Variants in CLVS1 observed in about 807,000 individuals in gnomAD.
The protein encoded by CLVS1 is clavesin-1.
In CLVS1, 10 loss-of-function variants were observed where a neutral mutation model predicts 33.1. The ratio of observed to expected loss-of-function variants is 0.30; its 90% CI spans 0.19 to 0.51. The LOEUF is 0.51. CLVS1 is among the 20% of genes least tolerant of loss of function. The pLI, the probability that CLVS1 is intolerant of heterozygous loss-of-function variation, is 0.97. For missense variants in CLVS1, 343 were observed against 433.4 expected, an observed-to-expected ratio of 0.79 and a Z score of 1.85; for synonymous variants, 163 against 166.1, an observed-to-expected ratio of 0.98 and a Z score of 0.14.
chr8:60,971,694 G>T, the CLVS1 span, among the ~76,000 whole-genome samples: 3 of 152,122 alleles, frequency 2.0e-5, no homozygotes, highest in Non-Finnish European at 4.4e-5. Flanking sequence ...TGAGTGAGTT[G>T]CTTTAGGTCT....
the CLVS1 span, among the ~76,000 whole-genome samples, chr8:61,046,100 T>C: frequency 6.7e-6 from 1 of 149,906 alleles, no homozygotes; most frequent in African/African-American, 2.5e-5. Flanking sequence ...TAGGTTTTCT[T>C]CTAGGGTTTT....
chr8:61,249,251 C>T (rs1230988757), intron 2 of CLVS1, among the ~76,000 whole-genome samples: 1 of 152,128 alleles, frequency 6.6e-6, no homozygotes, highest in Non-Finnish European at 1.5e-5. Flanking sequence ...GACATGAACC[C>T]ATCCTTTATT....
chr8:61,454,017 A>T, intron 3 of CLVS1, 124 bp from the exon 4 acceptor site: 1 of 724,746 alleles, frequency 1.4e-6, no homozygotes, highest in East Asian at 2.4e-5. Flanking sequence ...TCCTCTCCTC[A>T]TCCTGAAGCT....
Position 61,331,823 on chromosome 8 carries a change from T to C in CLVS1, c.455+31541T>C, listed in dbSNP as rs199861546. ...TCTTCTTCTCCTCCTCCTCCTCCTCTTCCTCCTCCTCCTCCTCCTCCTCCT... is the reference window on the plus strand; with the variant it reads ...TCTTCTTCTCCTCCTCCTCCTCCTCCTCCTCCTCCTCCTCCTCCTCCTCCT... On this transcript the variant is annotated intron_variant, in intron 2 of 5. Transcript: ENST00000325897. Among the ~76,000 whole-genome samples the C allele has an allele frequency of 2.0e-3, 291 of 142,010 alleles. 1 individual carries two copies. Among genetic ancestry groups the C allele is most frequent in the Middle Eastern group, 7.1e-3 (2 of 280 alleles). The allele number at this position is 142,010 out of a possible 152,430, so 93.2% of individuals were successfully genotyped here.
chr8:61,370,111 C>T (rs1813371083), intron 2 of CLVS1, among the ~76,000 whole-genome samples: 1 of 152,018 alleles, frequency 6.6e-6, no homozygotes, highest in African/African-American at 2.4e-5. Flanking sequence ...TTGTGGTGGA[C>T]CTTAAGAAAT....
chr8:61,312,179 A>G, intron 2 of CLVS1, among the ~76,000 whole-genome samples: 1 of 152,140 alleles, frequency 6.6e-6, no homozygotes, highest in East Asian at 1.9e-4. Flanking sequence ...CACAAGCCCA[A>G]ACTCCAACCC....
At chr8:61,246,390 G>A (rs1218035732) in intron 2 of CLVS1, among the ~76,000 whole-genome samples, 1 of 150,742 alleles carries the variant, frequency 6.6e-6, no homozygotes, top group African/African-American at 2.4e-5. Context: ...GGCTGGTCTC[G>A]AACTCCTGAC....
chr8:61,377,554 AC>A (rs1813697430), intron 3 of CLVS1: 1 of 152,188 alleles, frequency 6.6e-6, no homozygotes, highest in African/African-American at 2.4e-5. Context: ...CTCCCCATAG[AC>A]GGCAGTTATA....
the CLVS1 span, among the ~76,000 whole-genome samples, chr8:61,008,260 T>C: frequency 6.6e-6 from 1 of 151,874 alleles, no homozygotes; most frequent in South Asian, 2.1e-4. Flanking sequence ...GGCACCCAAA[T>C]TGGTCACCAC....
intron 3 of CLVS1, among the ~76,000 whole-genome samples, chr8:61,424,908 A>G (rs1354203886): frequency 6.6e-6 from 1 of 152,194 alleles, no homozygotes; most frequent in East Asian, 1.9e-4. Context: ...CCTTGCTATG[A>G]GTTATTTATC....
At chr8:61,023,349 T>G in the CLVS1 span, among the ~76,000 whole-genome samples, 1 of 152,368 alleles carries the variant, frequency 6.6e-6, no homozygotes, top group South Asian at 2.1e-4. Flanking sequence ...GTCCTCAATT[T>G]GTTTACACAG....
At chr8:61,017,482 T>C in the CLVS1 span, among the ~76,000 whole-genome samples, 1 of 152,258 alleles carries the variant, frequency 6.6e-6, no homozygotes, top group Non-Finnish European at 1.5e-5. Flanking sequence ...GTCATTTGCA[T>C]CCTTTCTGAA....
the CLVS1 span, among the ~76,000 whole-genome samples, chr8:61,045,672 T>TTCATCATTTCTGTCA: frequency 2.0e-5 from 3 of 152,346 alleles, no homozygotes; most frequent in East Asian, 5.8e-4. Context: ...AGTGGCTTTG[T>TTCATCATTTCTGTCA]TCATCATTTC....
At chr8:61,120,943 T>C (rs571651197) in intron 1 of CLVS1, among the ~76,000 whole-genome samples, 13 of 149,254 alleles carry the variant, frequency 8.7e-5, no homozygotes, top group South Asian at 4.3e-4. Context: ...TAAGCAAGCC[T>C]GGGCAATGGC....
intron 2 of CLVS1, among the ~76,000 whole-genome samples, chr8:61,223,855 G>C (rs1243727443): frequency 6.6e-6 from 1 of 152,050 alleles, no homozygotes; most frequent in Non-Finnish European, 1.5e-5. Flanking sequence ...TTTCTTGGAG[G>C]CTTTGCTCAT....
intron 5 of CLVS1, among the ~76,000 whole-genome samples, chr8:61,479,060 T>A (rs985999596): frequency 2.0e-5 from 3 of 152,226 alleles, no homozygotes; most frequent in Non-Finnish European, 4.4e-5. Context: ...TTATGTGTCT[T>A]TGAGTTGCTC....
At position 61,322,790 on chromosome 8, in the gene CLVS1, T is replaced by A. The variant is rs569212027; in HGVS notation, c.455+22508T>A. Among the ~76,000 whole-genome samples, 420 of 152,266 alleles carry A rather than the reference T, an allele frequency of 2.8e-3. 1 individual carries two copies. Among genetic ancestry groups the A allele is most frequent in the African/African-American group, 9.5e-3 (396 of 41,554 alleles). ...ATTAATCAATTAATTAATAAATTAC[T>A]GCAAGAAAACTGAAGATTTCTGCTC... On this transcript the variant is annotated intron_variant, in intron 2 of 5. Transcript: ENST00000325897.
At chr8:61,263,869 A>C (rs1809254648) in intron 2 of CLVS1, among the ~76,000 whole-genome samples, 1 of 152,202 alleles carries the variant, frequency 6.6e-6, no homozygotes, top group Non-Finnish European at 1.5e-5. Flanking sequence ...GTAGATATGA[A>C]AGCATTTAGT....
At chr8:61,261,994 G>GTGTGTGTGTGTGTA (rs1809214396) in intron 2 of CLVS1, among the ~76,000 whole-genome samples, 1 of 134,346 alleles carries the variant, frequency 7.4e-6, no homozygotes, top group African/African-American at 2.8e-5. Flanking sequence ...GTGTGTGTGT[G>GTGTGTGTGTGTGTA]TGTGTGTGTG....
Sources: allele counts gnomAD v4.1 joint callset (sites outside exome capture counted in the v4.1 genomes callset), GRCh38; gene constraint gnomAD v4.1.1; transcripts MANE v1.5; gene names NCBI Gene and HGNC (gene_info 2026-07-23, HGNC 2026-07-21).